The following SGCD variants were observed in gnomAD, a reference collection of about 807,000 sequenced individuals.
The protein encoded by SGCD is delta-sarcoglycan.
SGCD carries 18 observed loss-of-function variants against 36.6 expected under a neutral mutation model. The ratio of observed to expected loss-of-function variants is 0.49; its 90% CI spans 0.34 to 0.73. The LOEUF (loss-of-function observed/expected upper bound fraction) is 0.73. Among genes scored for constraint, SGCD ranks in the 30% least tolerant of loss-of-function variants. The pLI is 0.01. For synonymous variants in SGCD, 133 were observed against 130.6 expected (o/e 1.02, Z -0.12); for missense variants, 387 against 346.7 (o/e 1.12, Z -0.92).
intron 3 of SGCD, among the ~76,000 whole-genome samples, chr5:156,375,606 C>T (rs894130338): frequency 6.6e-6 from 1 of 151,958 alleles, no homozygotes; most frequent in African/African-American, 2.4e-5. Flanking sequence ...CAAGAAATGC[C>T]GTGGAAAATA....
At chr5:156,700,427 C>T (rs994080545) in intron 7 of SGCD, among the ~76,000 whole-genome samples, 2 of 152,088 alleles carry the variant, frequency 1.3e-5, no homozygotes, top group African/African-American at 4.8e-5. Flanking sequence ...ACATTCCAAC[C>T]ACAACATCTA....
At chr5:155,936,921 C>A (rs1041114110) in intron 1 of SGCD, among the ~76,000 whole-genome samples, 8 of 152,172 alleles carry the variant, frequency 5.3e-5, no homozygotes, top group African/African-American at 1.9e-4. Flanking sequence ...CATGTCAGCA[C>A]GGCCCCGGGT....
At chr5:155,849,038 T>C in the SGCD span, among the ~76,000 whole-genome samples, 1 of 152,210 alleles carries the variant, frequency 6.6e-6, no homozygotes, top group South Asian at 2.1e-4. Flanking sequence ...AGTAGTTGAG[T>C]AGTCCTCATT....
At chr5:155,843,347 GA>G in the SGCD span, among the ~76,000 whole-genome samples, 11 of 152,144 alleles carry the variant, frequency 7.2e-5, no homozygotes, top group Middle Eastern at 3.4e-3. Flanking sequence ...TGGGTCTAAG[GA>G]ATATGGTGTA....
chr5:155,744,071 C>G, the SGCD span, among the ~76,000 whole-genome samples: 2 of 152,090 alleles, frequency 1.3e-5, no homozygotes, highest in African/African-American at 4.8e-5. Context: ...GAAAACCAGC[C>G]AATATAAATC....
chr5:156,285,772 T>C lies in SGCD; in HGVS notation c.-43-43762T>C, dbSNP rs575825442. On this transcript the variant is annotated intron_variant, in intron 3 of 9. Coordinates refer to the SGCD transcript ENST00000517913. ...TCAGGACATAGGCATGGGCAAGGAC[T>C]TCATGTCTAAAACACCAAAAGCAAT... 5.9e-5 allele frequency among the ~76,000 whole-genome samples: 9 copies of C among 152,248 alleles called. No homozygotes were observed. The South Asian group carries it at 1.9e-3, about 32-fold the overall frequency.
At chr5:156,284,619 A>G (rs1766545058) in intron 3 of SGCD, among the ~76,000 whole-genome samples, 1 of 152,216 alleles carries the variant, frequency 6.6e-6, no homozygotes, top group Non-Finnish European at 1.5e-5. Context: ...ACAAAATTCA[A>G]CAGCCCTTCA....
the SGCD span, among the ~76,000 whole-genome samples, chr5:155,841,969 T>C: frequency 6.6e-6 from 1 of 152,012 alleles, no homozygotes; most frequent in Non-Finnish European, 1.5e-5. Flanking sequence ...TTGGGCTAAG[T>C]GAAATAAGTG....
intron 6 of SGCD, among the ~76,000 whole-genome samples, chr5:156,630,133 G>C (rs1034424851): frequency 6.6e-6 from 1 of 152,158 alleles, no homozygotes; most frequent in Non-Finnish European, 1.5e-5. Flanking sequence ...AAAATGCTGG[G>C]ATTACAGGCC....
chr5:155,925,699 T>G (rs1256756104), intron 1 of SGCD, among the ~76,000 whole-genome samples: 1 of 152,204 alleles, frequency 6.6e-6, no homozygotes, highest in Admixed American at 6.5e-5. Flanking sequence ...TACTGCAGCC[T>G]CAAACTCCTT....
At chr5:156,393,111 T>G (rs1771669128) in intron 3 of SGCD, among the ~76,000 whole-genome samples, 1 of 152,162 alleles carries the variant, frequency 6.6e-6, no homozygotes, top group Non-Finnish European at 1.5e-5. Flanking sequence ...CCATATCATT[T>G]AAAGGGACCA....
At chr5:156,341,473 T>G (rs1768649486) in intron 2 of SGCD, among the ~76,000 whole-genome samples, 1 of 152,186 alleles carries the variant, frequency 6.6e-6, no homozygotes, top group East Asian at 1.9e-4. Flanking sequence ...TTTTTCACAA[T>G]GTTCCACCCT....
intron 4 of SGCD, among the ~76,000 whole-genome samples, chr5:156,554,719 G>T (rs1758947102): frequency 6.6e-6 from 1 of 151,406 alleles, no homozygotes; most frequent in Non-Finnish European, 1.5e-5. Flanking sequence ...ATCTTTGAAT[G>T]TATTCCCTGA....
At chr5:156,512,212 A>AAC (rs1756967521) in intron 4 of SGCD, among the ~76,000 whole-genome samples, 1 of 151,946 alleles carries the variant, frequency 6.6e-6, no homozygotes, top group East Asian at 1.9e-4. Context: ...AAAAAAAAAA[A>AAC]AGGAACAATT....
At chr5:156,501,438 T>G (rs1361406117) in intron 3 of SGCD, among the ~76,000 whole-genome samples, 1 of 152,186 alleles carries the variant, frequency 6.6e-6, no homozygotes, top group Non-Finnish European at 1.5e-5. Flanking sequence ...GAACCAATAT[T>G]TCAGTCTATT....
intron 7 of SGCD, among the ~76,000 whole-genome samples, chr5:156,752,629 G>C (rs563487115): frequency 6.6e-6 from 1 of 152,122 alleles, no homozygotes. Context: ...CCTGACCTCA[G>C]GTGATCCACC....
At chr5:156,247,600 G>C (rs1765470305) in intron 3 of SGCD, among the ~76,000 whole-genome samples, 1 of 152,132 alleles carries the variant, frequency 6.6e-6, no homozygotes, top group African/African-American at 2.4e-5. Flanking sequence ...AAATATAGCA[G>C]GATCAGCTGT....
At chr5:156,209,480 A>C (rs1764378879) in intron 3 of SGCD, among the ~76,000 whole-genome samples, 2 of 152,198 alleles carry the variant, frequency 1.3e-5, no homozygotes, top group South Asian at 4.1e-4. Flanking sequence ...GCACCAGGCA[A>C]GCATCTGCAG....
rs1168046293 is a variant in SGCD, at chr5:156,763,707, C to T, written c.*4317C>T. On this transcript the variant is annotated 3_prime_UTR_variant, in exon 9 of 9. Coordinates refer to ENST00000337851, the MANE Select transcript of SGCD (RefSeq NM_000337.6). ...CCTTTTGCTCATCCAGGGTTTCATA[C>T]TCAATATCGCTTAAAAAAAAAAAAG... The T allele has an allele frequency of 6.6e-6, 1 of 151,186 alleles. No homozygotes were observed. The highest frequency in any genetic ancestry group is 2.4e-5 in the African/African-American group (1 of 40,872). 9.4% of individuals were successfully genotyped at this position (151,186 alleles called of 1,614,324 possible).
Sources: gnomAD v4.1 joint callset for allele counts (sites outside exome capture counted in the v4.1 genomes callset) on GRCh38, gnomAD v4.1.1 for gene constraint, MANE v1.5 for transcripts, NCBI Gene and HGNC (gene_info 2026-07-23, HGNC 2026-07-21) for gene names.